HS6ST2: variants seen among roughly 807,000 people sequenced by gnomAD.
The protein encoded by HS6ST2 is heparan-sulfate 6-O-sulfotransferase 2.
A neutral mutation model predicts 33.0 loss-of-function variants in HS6ST2; 17 were observed. That is an observed-to-expected ratio of 0.52 (90% CI 0.35 to 0.77). HS6ST2 has a LOEUF of 0.77. HS6ST2 is among the 30% of genes least tolerant of loss of function. HS6ST2 has a pLI of 0.01. For synonymous variants in HS6ST2, 248 were observed against 237.1 expected, an observed-to-expected ratio of 1.05 and a Z score of -0.42; for missense variants, 519 against 551.7, an observed-to-expected ratio of 0.94 and a Z score of 0.59.
rs747734273 is a variant in HS6ST2 at position 132,708,496 on chromosome X, T to C, written c.948-2A>G. The C allele has an allele frequency of 4.7e-5, 55 of 1,180,233 alleles. 2 individuals are homozygous for C. In the South Asian group the frequency reaches 9.8e-4, roughly 21 times the overall value. The stretch of plus-strand genomic sequence containing the variant: ...TCTAGAATCTGAAAAATCCTCCACC[T>C]GTTAAAGGAACAGTAAAACCAGTCG... On this transcript the variant is annotated splice_acceptor_variant, in intron 2 of 4. Coordinates refer to ENST00000370833, the MANE Select transcript of HS6ST2 (RefSeq NM_001394073.1). LOFTEE classifies it high-confidence loss of function.
At chrX:132,641,507 T>C (rs1416575534) in intron 4 of HS6ST2, among the ~76,000 whole-genome samples, 1 of 112,858 alleles carries the variant, frequency 8.9e-6, no homozygotes, top group Non-Finnish European at 1.9e-5. Flanking sequence ...GGTGCATCCA[T>C]TGCATTGTAT....
chrX:132,730,191 A>G (rs938986246), intron 2 of HS6ST2, among the ~76,000 whole-genome samples: 12 of 111,714 alleles, frequency 1.1e-4, no homozygotes, highest in Non-Finnish European at 2.1e-4. Flanking sequence ...CTTCCCTTAC[A>G]CTGCGCTGCC....
At chrX:132,854,143 T>C (rs2065830311) in intron 2 of HS6ST2, among the ~76,000 whole-genome samples, 1 of 112,384 alleles carries the variant, frequency 8.9e-6, no homozygotes, top group African/African-American at 3.2e-5. Flanking sequence ...ATCTGTGCAA[T>C]TCTCACAGCT....
Position 132,629,373 on chromosome X carries a change from C to T in HS6ST2, c.1068-280G>A, listed in dbSNP as rs772708186. ...CATTGACCTTGTCATGCTTCACTCC[C>T]GTTCGTTCCCCCTTCCCCTCTTTTT... On this transcript the variant is annotated intron_variant, in intron 4 of 4. Coordinates refer to ENST00000370833, the MANE Select transcript of HS6ST2 (RefSeq NM_001394073.1). Among the ~76,000 whole-genome samples the T allele has an allele frequency of 6.3e-5, 7 of 111,351 alleles. No homozygotes were observed. The South Asian group carries it at 1.2e-3, about 18-fold the overall frequency.
At chrX:132,750,561 C>T (rs1160210409) in intron 2 of HS6ST2, among the ~76,000 whole-genome samples, 1 of 111,428 alleles carries the variant, frequency 9.0e-6, no homozygotes, top group Non-Finnish European at 1.9e-5. Context: ...TCTTTGGCTC[C>T]AGCACTTTAT....
At chrX:132,891,203 A>AGGGTC (rs1413176600) in intron 2 of HS6ST2, among the ~76,000 whole-genome samples, 5 of 108,873 alleles carry the variant, frequency 4.6e-5, no homozygotes, top group Non-Finnish European at 9.5e-5. Flanking sequence ...CTCCCGAAGC[A>AGGGTC]CATTCAAAGA....
intron 2 of HS6ST2, among the ~76,000 whole-genome samples, chrX:132,892,280 T>G (rs1277108296): frequency 8.9e-6 from 1 of 112,075 alleles, no homozygotes; most frequent in African/African-American, 3.2e-5. Context: ...CCCCTTGTAT[T>G]TCTGATAGTG....
intron 2 of HS6ST2, among the ~76,000 whole-genome samples, chrX:132,806,643 G>A (rs1054294353): frequency 2.7e-5 from 3 of 110,181 alleles, no homozygotes; most frequent in Non-Finnish European, 5.7e-5. Flanking sequence ...AGTGAGCACA[G>A]TTGTGTTCCA....
intron 2 of HS6ST2, among the ~76,000 whole-genome samples, chrX:132,935,229 G>A (rs1246586211): frequency 3.8e-3 from 2 of 526 alleles, no homozygotes; most frequent in Non-Finnish European, 8.1e-3. Flanking sequence ...AGAAATAGAA[G>A]TCTAAACAGC....
At chrX:132,903,894 C>T (rs1000401346) in intron 2 of HS6ST2, among the ~76,000 whole-genome samples, 17 of 111,974 alleles carry the variant, frequency 1.5e-4, no homozygotes, top group African/African-American at 5.2e-4. Context: ...AATTGATATG[C>T]TCATTTTATA....
chrX:132,782,007 T>C (rs202173450), intron 2 of HS6ST2, among the ~76,000 whole-genome samples: 2 of 112,034 alleles, frequency 1.8e-5, no homozygotes, highest in East Asian at 5.6e-4. Context: ...AAATGTGTTC[T>C]GCAGAAGGTT....
At position 132,958,095 on chromosome X, in the gene HS6ST2, C is replaced by A. The variant is rs775565012; in HGVS notation, c.428+80G>T. ...GGAACTTTACGCCCTTCTCTACCCC[C>A]CGCGGCTGCCTTCCCTCCCCGTACA... is the stretch of plus-strand genomic sequence containing the variant. On this transcript the variant is annotated intron_variant, in intron 1 of 4. Transcript: ENST00000370833. The A allele has an allele frequency of 2.2e-5, 21 of 957,913 alleles. No homozygotes were observed. In the African/African-American group the frequency reaches 3.0e-4, roughly 14 times the overall value. 78.9% of individuals were successfully genotyped at this position (957,913 alleles called of 1,213,427 possible). A position where few individuals can be genotyped will look rare whatever the true frequency, so the allele number is the denominator to read the frequency against.
intron 2 of HS6ST2, among the ~76,000 whole-genome samples, chrX:132,868,352 A>T (rs1226641611): frequency 8.9e-6 from 1 of 111,922 alleles, no homozygotes; most frequent in African/African-American, 3.2e-5. Context: ...TTAACACCTC[A>T]CTGTCAATAT....
intron 2 of HS6ST2, among the ~76,000 whole-genome samples, chrX:132,825,671 C>T (rs1457630460): frequency 8.9e-6 from 1 of 111,809 alleles, no homozygotes; most frequent in African/African-American, 3.2e-5. Context: ...CAAAAAAATG[C>T]AAAGAATTTG....
intron 2 of HS6ST2, among the ~76,000 whole-genome samples, chrX:132,846,196 C>T (rs2065749110): frequency 8.9e-6 from 1 of 112,527 alleles, no homozygotes; most frequent in South Asian, 3.7e-4. Context: ...CACAGAAACA[C>T]AGCAGGCAAG....
intron 2 of HS6ST2, among the ~76,000 whole-genome samples, chrX:132,923,995 TA>T (rs1016708541): frequency 1.8e-5 from 2 of 111,917 alleles, no homozygotes; most frequent in African/African-American, 6.5e-5. Flanking sequence ...TCTTGTAGTC[TA>T]AAAAAAATGA....
At position 132,933,962 on chromosome X, in the gene HS6ST2, A is replaced by G. The variant is rs773250646; in HGVS notation, c.947+22846T>C. On this transcript the variant is annotated intron_variant, in intron 2 of 4. Coordinates refer to ENST00000370833, the MANE Select transcript of HS6ST2 (RefSeq NM_001394073.1). ...CTCATGCTAACAGTCCTGCATTACA[A>G]GAAATAATAAAGAAAAATTCTCCGG... Among the ~76,000 whole-genome samples the G allele has an allele frequency of 2.4e-4, 27 of 111,647 alleles. No homozygotes were observed. The Admixed American group carries it at 2.5e-3, about 10-fold the overall frequency.
intron 2 of HS6ST2, among the ~76,000 whole-genome samples, chrX:132,757,878 A>G (rs749945051): frequency 2.7e-5 from 3 of 111,959 alleles, no homozygotes; most frequent in Non-Finnish European, 5.6e-5. Context: ...AAAATCATTC[A>G]GTTTCCAGAA....
chrX:132,708,301 A>T (rs2064202452), intron 3 of HS6ST2, among the ~76,000 whole-genome samples, 161 bp downstream of exon 3: 3 of 43,377 alleles, frequency 6.9e-5, no homozygotes, highest in Non-Finnish European at 4.1e-5. Context: ...TTTTAAACTA[A>T]AAAAAAAAAA....
Sources: allele counts gnomAD v4.1 joint callset (sites outside exome capture counted in the v4.1 genomes callset), GRCh38; gene constraint gnomAD v4.1.1; transcripts MANE v1.5; gene names NCBI Gene and HGNC (gene_info 2026-07-23, HGNC 2026-07-21).